The following EHBP1 variants were observed in gnomAD, a reference collection of about 807,000 sequenced individuals.
EHBP1 encodes the protein EH domain binding protein 1.
Under a neutral mutation model 144.0 loss-of-function variants are expected in EHBP1, and 55 were observed. The ratio of observed to expected loss-of-function variants is 0.38; its 90% CI spans 0.31 to 0.48. The LOEUF is 0.48. Ranked by LOEUF, EHBP1 falls within the 20% of genes least tolerant of loss-of-function variation. The pLI, the probability that EHBP1 is intolerant of heterozygous loss-of-function variation, is 0.98. For synonymous variants in EHBP1, 469 were observed against 472.7 expected (o/e 0.99, Z 0.10); for missense variants, 1,200 against 1,364.2 (o/e 0.88, Z 1.90).
intron 5 of EHBP1, among the ~76,000 whole-genome samples, chr2:62,789,683 A>G (rs192383231): frequency 3.8e-3 from 576 of 152,294 alleles, no homozygotes; most frequent in Non-Finnish European, 6.0e-3. Context: ...ACATCTTCCA[A>G]CCCACTGCAC....
intron 10 of EHBP1, among the ~76,000 whole-genome samples, chr2:62,912,048 G>A (rs1345588994): frequency 1.3e-5 from 2 of 151,948 alleles, no homozygotes; most frequent in African/African-American, 4.8e-5. Context: ...TAGTATACTT[G>A]TTGAGATGGA....
At chr2:62,739,520 A>G (rs2038484409) in intron 2 of EHBP1, among the ~76,000 whole-genome samples, 1 of 152,210 alleles carries the variant, frequency 6.6e-6, no homozygotes, top group Admixed American at 6.5e-5. Context: ...AATATGCTAA[A>G]TTAAAGGAAT....
At position 62,796,681 on chromosome 2, in the gene EHBP1, C is replaced by A. The variant is rs932729295; in HGVS notation, c.312+25289C>A. Among the ~76,000 whole-genome samples the A allele has an allele frequency of 2.6e-5, 4 of 152,220 alleles. No homozygotes were observed. In the East Asian group the frequency reaches 7.7e-4, roughly 29 times the overall value. On this transcript the variant is annotated intron_variant, in intron 5 of 22. Coordinates refer to ENST00000431489, the MANE Select transcript of EHBP1 (RefSeq NM_001142616.3). Reference sequence around the variant, plus strand: ...AATACTTTGACTTCCATAGCATATACCATTTACAAAACACTTCCATGTATT... The same window carrying A: ...AATACTTTGACTTCCATAGCATATAACATTTACAAAACACTTCCATGTATT...
chr2:62,921,994 G>A (rs1297032993), intron 10 of EHBP1, among the ~76,000 whole-genome samples: 2 of 152,250 alleles, frequency 1.3e-5, no homozygotes, highest in African/African-American at 4.8e-5. Context: ...GGCCAAGATG[G>A]TGAAAACCCG....
chr2:62,946,469 T>C (rs2057077861), intron 12 of EHBP1, among the ~76,000 whole-genome samples: 1 of 152,246 alleles, frequency 6.6e-6, no homozygotes, highest in Non-Finnish European at 1.5e-5. Context: ...TCTTACCTGA[T>C]AGCTACATTG....
chr2:62,739,485 A>G (rs1465204300), intron 2 of EHBP1, among the ~76,000 whole-genome samples: 2 of 152,080 alleles, frequency 1.3e-5, no homozygotes, highest in African/African-American at 4.8e-5. Flanking sequence ...GCTTCTTCCA[A>G]TAGGTCTAGA....
At chr2:62,892,740 T>A (rs1287500658) in intron 10 of EHBP1, among the ~76,000 whole-genome samples, 2 of 152,070 alleles carry the variant, frequency 1.3e-5, no homozygotes, top group African/African-American at 4.8e-5. Context: ...ATTTGCTCCC[T>A]CCCACCCTCA....
At chr2:62,709,646 T>C (rs886659095) in intron 2 of EHBP1, among the ~76,000 whole-genome samples, 19 of 152,196 alleles carry the variant, frequency 1.2e-4, no homozygotes, top group Admixed American at 1.2e-3. Flanking sequence ...TGATTACTTT[T>C]AGGGATGGCC....
intron 10 of EHBP1, among the ~76,000 whole-genome samples, chr2:62,914,774 A>G (rs760999053): frequency 1.3e-5 from 2 of 152,002 alleles, no homozygotes; most frequent in Non-Finnish European, 2.9e-5. Context: ...TTATACTTCA[A>G]TAAATGAGCC....
intron 9 of EHBP1, among the ~76,000 whole-genome samples, chr2:62,869,372 A>G (rs2050285121): frequency 6.6e-6 from 1 of 152,366 alleles, no homozygotes; most frequent in East Asian, 1.9e-4. Context: ...GATTATAATA[A>G]CAAAATGGGA....
chr2:62,739,029 A>G (rs1187444459), intron 2 of EHBP1, among the ~76,000 whole-genome samples: 2 of 152,196 alleles, frequency 1.3e-5, no homozygotes, highest in East Asian at 1.9e-4. Flanking sequence ...CAGGTTGCTA[A>G]TGTTTTTGGA....
chr2:62,701,764 TA>T (rs796666091), upstream of EHBP1, among the ~76,000 whole-genome samples: 24 of 152,292 alleles, frequency 1.6e-4, 1 homozygote, highest in African/African-American at 5.3e-4. Context: ...AAAATTGCTA[TA>T]GGATTGTTGG....
chr2:62,916,695 A>G (rs1238159240), intron 10 of EHBP1, among the ~76,000 whole-genome samples: 1 of 149,994 alleles, frequency 6.7e-6, no homozygotes, highest in Non-Finnish European at 1.5e-5. Flanking sequence ...CTATTTTTCC[A>G]TATATATTTA....
Position 63,045,223 on chromosome 2 carries a change from G to C in EHBP1, c.3392+43G>C, listed in dbSNP as rs768017316. On this transcript the variant is annotated intron_variant, in intron 22 of 22. Transcript: ENST00000431489. The surrounding 1 kb of genome is among the most constrained non-coding windows in gnomAD (Gnocchi z 5.7). ...TCGGGTCGAGGCTGGGCCACCTGCCGAGGGGCCGAGAAGTGTGCGGAAAGT... is the reference window on the plus strand; with the variant it reads ...TCGGGTCGAGGCTGGGCCACCTGCCCAGGGGCCGAGAAGTGTGCGGAAAGT... 1 of 1,520,446 alleles carries C rather than the reference G, an allele frequency of 6.6e-7. No individual in the cohort carries two copies. Among genetic ancestry groups the C allele is most frequent in the Non-Finnish European group, 9.0e-7 (1 of 1,117,152 alleles). 94.2% of individuals were successfully genotyped at this position (1,520,446 alleles called of 1,614,324 possible). A position where few individuals can be genotyped will look rare whatever the true frequency, so the allele number is the denominator to read the frequency against.
chr2:62,894,956 A>AGAGAGAGAGAGAGAGAGAGAGAGAG (rs1553463475), intron 10 of EHBP1, among the ~76,000 whole-genome samples: 2 of 150,708 alleles, frequency 1.3e-5, no homozygotes, highest in African/African-American at 2.4e-5. Context: ...AGAGAGAGAG[A>AGAGAGAGAGAGAGAGAGAGAGAGAG]ATGCTGCAGG....
At chr2:62,809,246 G>A (rs1047100329) in intron 5 of EHBP1, among the ~76,000 whole-genome samples, 35 of 147,320 alleles carry the variant, frequency 2.4e-4, no homozygotes, top group African/African-American at 3.8e-4. Flanking sequence ...AGCCAAGATC[G>A]CGCCATTGCA....
intron 5 of EHBP1, among the ~76,000 whole-genome samples, chr2:62,806,628 G>A (rs547315823): frequency 6.6e-6 from 1 of 152,014 alleles, no homozygotes; most frequent in African/African-American, 2.4e-5. Context: ...TTCCCAAAGT[G>A]TGGGATTACA....
rs772587610 is a variant in EHBP1, at chr2:62,979,318, G to A, written c.2591G>A (p.Arg864Lys). ...ATGGCTGCAGAAAAGTTGAAAGAAA[G>A]GTCAAAGGCATCTGGAGGTGAGTTA... Reference protein sequence around the residue: ...GEMAAEKLKERSKASGEQNSK... With the variant: ...GEMAAEKLKEKSKASGEQNSK... The change falls in exon 15 of 23, where the codon AGG becomes AAG. Residue 864 changes from arginine (R) to lysine (K), a missense_variant. Around this residue, in one of 6 missense-constraint regions of EHBP1, gnomAD observed 543 missense variants for 513.1 expected, o/e 1.06. Coordinates refer to ENST00000431489, the MANE Select transcript of EHBP1 (RefSeq NM_001142616.3). 1.2e-6 allele frequency: 2 copies of A among 1,613,700 alleles called. No homozygotes were observed. Among genetic ancestry groups the A allele is most frequent in the East Asian group, 2.2e-5 (1 of 44,820 alleles).
chr2:62,737,250 T>C (rs2038229273), intron 2 of EHBP1, among the ~76,000 whole-genome samples: 1 of 152,200 alleles, frequency 6.6e-6, no homozygotes, highest in African/African-American at 2.4e-5. Flanking sequence ...CAAAATGGTT[T>C]ATTTCCCCCT....
Sources: gnomAD v4.1 joint callset for allele counts (sites outside exome capture counted in the v4.1 genomes callset) on GRCh38, gnomAD v4.1.1 for gene constraint, gnomAD v4.1.1 regional missense constraint, Gnocchi (gnomAD v3.1) non-coding constraint, MANE v1.5 for transcripts, NCBI Gene and HGNC (gene_info 2026-07-23, HGNC 2026-07-21) for gene names.